Variants in CSMD3 observed in about 807,000 individuals in gnomAD.
CSMD3 encodes CUB and Sushi multiple domains 3.
CSMD3 carries 177 observed loss-of-function variants against 435.2 expected under a neutral mutation model. The ratio of observed to expected loss-of-function variants is 0.41; its 90% CI spans 0.36 to 0.46. CSMD3 has a LOEUF of 0.46. Ranked by LOEUF, CSMD3 falls within the 20% of genes least tolerant of loss-of-function variation. The pLI is 0.34. For missense variants in CSMD3, 4,265 were observed against 4,504.6 expected (o/e 0.95, Z 1.52); for synonymous variants, 1,656 against 1,520.5 (o/e 1.09, Z -2.07).
chr8:112,623,400 C>T (rs969327415), intron 22 of CSMD3, among the ~76,000 whole-genome samples: 2 of 152,192 alleles, frequency 1.3e-5, no homozygotes, highest in Admixed American at 1.3e-4. Flanking sequence ...AAAAAAAATA[C>T]CTCTTTGCTA....
At chr8:112,905,259 A>G (rs925494848) in intron 10 of CSMD3, among the ~76,000 whole-genome samples, 4 of 151,146 alleles carry the variant, frequency 2.6e-5, no homozygotes, top group Non-Finnish European at 5.9e-5. Context: ...AATTGGTCAC[A>G]AATCAATTTA....
intron 4 of CSMD3, among the ~76,000 whole-genome samples, chr8:113,117,786 T>A (rs1036953857): frequency 6.6e-6 from 1 of 152,204 alleles, no homozygotes; most frequent in African/African-American, 2.4e-5. Context: ...TCAAAGGAGA[T>A]CATCCTGGAG....
At position 112,264,579 on chromosome 8, in the gene CSMD3, T is replaced by A. The variant is rs556395645; in HGVS notation, c.9689-767A>T. Among the ~76,000 whole-genome samples, 273 of 152,140 alleles carry A rather than the reference T, an allele frequency of 1.8e-3. 1 individual carries two copies. Among genetic ancestry groups the A allele is most frequent in the African/African-American group, 6.2e-3 (256 of 41,554 alleles). ...ATTAATAAGTGTATAGAATAACATC[T>A]AAAACATAAAATGTCTGCTCATGTA... On this transcript the variant is annotated intron_variant, in intron 60 of 70. Transcript: ENST00000297405.
At chr8:113,245,110 G>C (rs1481354746) in intron 3 of CSMD3, among the ~76,000 whole-genome samples, 1 of 152,024 alleles carries the variant, frequency 6.6e-6, no homozygotes, top group Admixed American at 6.6e-5. Flanking sequence ...GTTACTGTTG[G>C]CATGGCATAT....
Position 113,436,933 on chromosome 8 carries a change from T to A in CSMD3, c.-79A>T, listed in dbSNP as rs2130162051. On this transcript the variant is annotated 5_prime_UTR_variant, in exon 1 of 71. Transcript: ENST00000297405. ...GCTGTTGTTGGTGCGCGGTCACAGC[T>A]CGGAGTGAATGGTGTTTCTGGGATA... 1.3e-6 allele frequency: 2 copies of A among 1,482,022 alleles called. No homozygotes were observed. The highest frequency in any genetic ancestry group is 1.9e-6 in the Non-Finnish European group (2 of 1,063,856). 91.8% of individuals were successfully genotyped at this position (1,482,022 alleles called of 1,614,324 possible). A position where few individuals can be genotyped will look rare whatever the true frequency, so the allele number is the denominator to read the frequency against.
intron 10 of CSMD3, among the ~76,000 whole-genome samples, chr8:112,884,071 A>G (rs1206219091): frequency 6.6e-6 from 1 of 151,866 alleles, no homozygotes; most frequent in African/African-American, 2.4e-5. Context: ...GACTGTAGTT[A>G]ACATCTTAAA....
intron 65 of CSMD3, among the ~76,000 whole-genome samples, chr8:112,243,012 A>G (rs992515884): frequency 6.6e-6 from 1 of 152,136 alleles, no homozygotes; most frequent in Non-Finnish European, 1.5e-5. Flanking sequence ...ATTAGGAGGG[A>G]GTAAAACATT....
chr8:112,829,870 ATTCT>A, intron 11 of CSMD3, 81 bp from the exon 12 acceptor site: 1 of 719,706 alleles, frequency 1.4e-6, no homozygotes, highest in Non-Finnish European at 2.5e-6. Context: ...ACAGAAATGC[ATTCT>A]TTGTCTCTCT....
chr8:113,269,638 CCCT>C (rs2093503010), intron 3 of CSMD3, among the ~76,000 whole-genome samples: 1 of 151,854 alleles, frequency 6.6e-6, no homozygotes, highest in Admixed American at 6.6e-5. Flanking sequence ...CAGAACAGAG[CCCT>C]CAGAAATAAT....
chr8:113,424,471 C>T (rs527970070), intron 1 of CSMD3, among the ~76,000 whole-genome samples: 1 of 151,126 alleles, frequency 6.6e-6, no homozygotes, highest in Non-Finnish European at 1.5e-5. Context: ...TAGGTGTTGA[C>T]CTTGATAAGT....
chr8:112,934,149 C>T (rs2083205309), intron 9 of CSMD3, among the ~76,000 whole-genome samples: 1 of 152,084 alleles, frequency 6.6e-6, no homozygotes, highest in African/African-American at 2.4e-5. Context: ...AGTCATGATG[C>T]AGAGCCTGGA....
chr8:113,048,382 C>A (rs965087912), intron 5 of CSMD3, among the ~76,000 whole-genome samples: 1 of 151,988 alleles, frequency 6.6e-6, no homozygotes, highest in South Asian at 2.1e-4. Flanking sequence ...CGTGAGCCAC[C>A]GCGCCCAGCC....
Position 112,337,707 on chromosome 8 carries a change from T to A in CSMD3, c.6677A>T (p.Asp2226Val), listed in dbSNP as rs1171147287. 6.2e-7 allele frequency: 1 copy of A among 1,613,662 alleles called. No individual in the cohort carries two copies. Among genetic ancestry groups the A allele is most frequent in the Admixed American group, 1.7e-5 (1 of 60,002 alleles). ...AAAACCATTTCGAAACGGGCGTGGA[T>A]CAGGACAGCTTTGCAACTGATAGGC... ...YQAYQLQSCP[D>V]PRPFRNGFVI... is the part of the protein sequence containing the mutation. The change falls in exon 43 of 71, where the codon GAT (aspartate) becomes GTT (valine). Residue 2226 changes from aspartate to valine, a missense_variant. Asp to Val is a radical substitution (Grantham distance 152). This residue lies in a region of CSMD3 where 3,255 missense variants were observed against 3,380.2 expected (regional missense o/e 0.96). Transcript: ENST00000297405.
intron 13 of CSMD3, among the ~76,000 whole-genome samples, chr8:112,788,695 T>C (rs1409939939): frequency 2.0e-5 from 3 of 152,138 alleles, no homozygotes; most frequent in Non-Finnish European, 4.4e-5. Context: ...GGAAACTCTA[T>C]AAAATATTTT....
chr8:112,313,148 T>C (rs1322975587), intron 49 of CSMD3, among the ~76,000 whole-genome samples: 1 of 152,122 alleles, frequency 6.6e-6, no homozygotes, highest in African/African-American at 2.4e-5. Context: ...GTACATTTAC[T>C]CAACAAGAAA....
In CSMD3 at chr8:112,415,828, G is replaced by A. The variant is rs1047526474; in HGVS notation, c.5396-6796C>T. On this transcript the variant is annotated intron_variant, in intron 32 of 70. Transcript: ENST00000297405. ...CTTAATGACTGCTCTATTGGATTTT[G>A]GACTTGTATGGGGCCTGTAGCCCTT... Among the ~76,000 whole-genome samples the A allele has an allele frequency of 2.6e-5, 4 of 152,140 alleles. No homozygotes were observed. The East Asian group carries it at 5.8e-4, about 22-fold the overall frequency.
At chr8:113,302,512 T>C (rs992563372) in intron 2 of CSMD3, among the ~76,000 whole-genome samples, 3 of 151,340 alleles carry the variant, frequency 2.0e-5, no homozygotes, top group Middle Eastern at 3.4e-3. Flanking sequence ...ATCTAAAATG[T>C]CTTATCTAAA....
chr8:112,340,360 G>T (rs1270129224), intron 42 of CSMD3, among the ~76,000 whole-genome samples: 2 of 152,194 alleles, frequency 1.3e-5, no homozygotes, highest in East Asian at 3.9e-4. Flanking sequence ...CATTATGCAC[G>T]CAAGTATAAT....
At chr8:113,255,973 T>C (rs1395635621) in intron 3 of CSMD3, among the ~76,000 whole-genome samples, 1 of 152,090 alleles carries the variant, frequency 6.6e-6, no homozygotes, top group Non-Finnish European at 1.5e-5. Context: ...AAGCCTCCAA[T>C]TCTTTGTCTA....
Sources: gnomAD v4.1 joint callset for allele counts (sites outside exome capture counted in the v4.1 genomes callset) on GRCh38, gnomAD v4.1.1 for gene constraint, gnomAD v4.1.1 regional missense constraint, MANE v1.5 for transcripts, NCBI Gene and HGNC (gene_info 2026-07-23, HGNC 2026-07-21) for gene names.